ACTN4: variants seen among roughly 807,000 people sequenced by gnomAD.
The protein encoded by ACTN4 is actinin alpha 4, also known as alpha-actinin-4.
Under a neutral mutation model 114.2 loss-of-function variants are expected in ACTN4, and 18 were observed. That is an observed-to-expected ratio of 0.16 (90% CI 0.11 to 0.23). The LOEUF (loss-of-function observed/expected upper bound fraction) is 0.23, where lower values mean the gene tolerates loss of function less well. ACTN4 is among the 10% of genes least tolerant of loss of function. The pLI, the probability that ACTN4 is intolerant of heterozygous loss-of-function variation, is 1.00. For missense variants in ACTN4, 722 were observed against 1,262.9 expected, an observed-to-expected ratio of 0.57 and a Z score of 6.49; for synonymous variants, 515 against 506.3, an observed-to-expected ratio of 1.02 and a Z score of -0.23.
chr19:38,731,182 G>T lies in ACTN4; in HGVS notation c.*1750G>T. The stretch of plus-strand genomic sequence containing the variant: ...ACACGCAGACGGCTATCCCGGTAGC[G>T]GCTGGTGAGGGTCTGGGTCAGCTGG... On this transcript the variant is annotated 3_prime_UTR_variant, in exon 21 of 21. Coordinates refer to ENST00000252699, the MANE Select transcript of ACTN4 (RefSeq NM_004924.6). The T allele has an allele frequency of 1.2e-6, 2 of 1,612,968 alleles. No homozygotes were observed. The highest frequency in any genetic ancestry group is 1.1e-5 in the South Asian group (1 of 91,066).
At chr19:38,654,315 A>G (rs1976650249) in intron 1 of ACTN4, among the ~76,000 whole-genome samples, 2 of 152,132 alleles carry the variant, frequency 1.3e-5, no homozygotes, top group Non-Finnish European at 2.9e-5. Context: ...TAATCCCAGC[A>G]CTTTGGGAGG....
At position 38,697,972 on chromosome 19, in the gene ACTN4, G is replaced by A. The variant is rs1367404910; in HGVS notation, c.163-2628G>A. Among the ~76,000 whole-genome samples the A allele has an allele frequency of 4.6e-5, 7 of 152,232 alleles. 1 individual carries two copies. The South Asian group carries it at 6.2e-4, about 13-fold the overall frequency. ...GCTCTGGGGCTGTAAAGGTGCAGGC[G>A]CCGTACTTCCCAACCCCTGGAGCTC... On this transcript the variant is annotated intron_variant, in intron 1 of 20. Transcript: ENST00000252699.
At chr19:38,680,183 C>T (rs1967511908) in intron 1 of ACTN4, among the ~76,000 whole-genome samples, 1 of 150,062 alleles carries the variant, frequency 6.7e-6, no homozygotes, top group Non-Finnish European at 1.5e-5. Context: ...TCCCCAGCAC[C>T]ACACCTGTCC....
In ACTN4 at chr19:38,726,902, C is replaced by T. The variant is rs76139142; in HGVS notation, c.2191-55C>T. On this transcript the variant is annotated intron_variant, in intron 17 of 20. Coordinates refer to ENST00000252699, the MANE Select transcript of ACTN4 (RefSeq NM_004924.6). ...TTCACAGTCCTCCACGTGTGAACCA[C>T]GGTGAGGACAGTTCACAGCACCCGG... 212 of 1,610,108 alleles carry T rather than the reference C, an allele frequency of 1.3e-4. 1 individual carries two copies. The African/African-American group carries it at 2.5e-3, about 19-fold the overall frequency.
At chr19:38,687,898 G>A (rs1967798055) in intron 1 of ACTN4, among the ~76,000 whole-genome samples, 1 of 152,096 alleles carries the variant, frequency 6.6e-6, no homozygotes, top group Admixed American at 6.6e-5. Flanking sequence ...ATGTATAAAG[G>A]ACTCTTAAAT....
At chr19:38,700,468 C>T (rs150006418) in intron 1 of ACTN4, 132 bp from the exon 2 acceptor site, 204 of 754,058 alleles carry the variant, frequency 2.7e-4, no homozygotes, top group East Asian at 6.5e-4. Flanking sequence ...CGGCCATGTA[C>T]GGTGTGTGTC....
At chr19:38,661,932 G>A (rs1018821991) in intron 1 of ACTN4, among the ~76,000 whole-genome samples, 2 of 152,188 alleles carry the variant, frequency 1.3e-5, no homozygotes, top group Admixed American at 1.3e-4. Context: ...GATTACAGGC[G>A]TGAGCCACCG....
chr19:38,662,287 C>G (rs1333400139), intron 1 of ACTN4, among the ~76,000 whole-genome samples: 1 of 152,210 alleles, frequency 6.6e-6, no homozygotes, highest in Non-Finnish European at 1.5e-5. Flanking sequence ...GATAGACACT[C>G]CTGCCTCTGA....
chr19:38,648,163 G>A, intron 1 of ACTN4: 1 of 404,364 alleles, frequency 2.5e-6, no homozygotes, highest in Non-Finnish European at 4.4e-6. Context: ...CGGGAAGGCT[G>A]ATGAAGGATT....
chr19:38,668,707 GAAAA>G, intron 1 of ACTN4, among the ~76,000 whole-genome samples: 1 of 151,678 alleles, frequency 6.6e-6, no homozygotes, highest in Non-Finnish European at 1.5e-5. Context: ...AAGAAAAAAA[GAAAA>G]GATGGACAAT....
intron 11 of ACTN4, among the ~76,000 whole-genome samples, chr19:38,721,189 C>G (rs570689004): frequency 1.1e-4 from 16 of 152,296 alleles, no homozygotes; most frequent in African/African-American, 3.8e-4. Context: ...CGGATCAAAG[C>G]CCTCCAGAAA....
chr19:38,730,838 C>T lies in ACTN4; in HGVS notation c.*1406C>T, dbSNP rs1332578984. 32 of 1,550,786 alleles carry T rather than the reference C, an allele frequency of 2.1e-5. No individual in the cohort carries two copies. The highest frequency in any genetic ancestry group is 7.3e-5 in the East Asian group (3 of 41,010). On this transcript the variant is annotated 3_prime_UTR_variant, in exon 21 of 21. Coordinates refer to ENST00000252699, the MANE Select transcript of ACTN4 (RefSeq NM_004924.6). ...AACCCTGCCCTGAGCAGCAGGTGCG[C>T]CCATCCGGAGATCCTAGGAGAAGGT... is the stretch of plus-strand genomic sequence containing the variant.
In ACTN4 at chr19:38,730,500, G is replaced by C; in HGVS notation, c.*1068G>C. ...TGGATAAACCACCCTCTGGGGACAG[G>C]ATAATAAAACATGTAATATTTTTAA... On this transcript the variant is annotated 3_prime_UTR_variant, in exon 21 of 21. Coordinates refer to ENST00000252699, the MANE Select transcript of ACTN4 (RefSeq NM_004924.6). 9.1e-6 allele frequency: 3 copies of C among 329,076 alleles called. No homozygotes were observed. In the East Asian group the frequency reaches 1.8e-4, roughly 19 times the overall value. 20.4% of individuals were successfully genotyped at this position (329,076 alleles called of 1,614,324 possible). A position where few individuals can be genotyped will look rare whatever the true frequency, so the allele number is the denominator to read the frequency against.
Position 38,731,411 on chromosome 19 carries a change from C to T in ACTN4, c.*1979C>T, listed in dbSNP as rs983810159. ...TGGGCCTGTTTCCTCATCCATCAAA[C>T]GGACTAAGACAGCCCCGACCCCATA... is the stretch of plus-strand genomic sequence containing the variant. On this transcript the variant is annotated 3_prime_UTR_variant, in exon 21 of 21. Transcript: ENST00000252699. The T allele has an allele frequency of 4.2e-5, 26 of 616,966 alleles. No homozygotes were observed. Among genetic ancestry groups the T allele is most frequent in the Admixed American group, 3.7e-4 (15 of 40,388 alleles). 38.2% of individuals were successfully genotyped at this position (616,966 alleles called of 1,614,324 possible).
chr19:38,654,553 C>T (rs1224392845), intron 1 of ACTN4, among the ~76,000 whole-genome samples: 1 of 144,476 alleles, frequency 6.9e-6, no homozygotes, highest in East Asian at 2.0e-4. Flanking sequence ...CAGAGTAAGG[C>T]TCCGTCTCAA....
intron 1 of ACTN4, among the ~76,000 whole-genome samples, chr19:38,697,095 G>A (rs915487330): frequency 2.0e-5 from 3 of 151,652 alleles, no homozygotes; most frequent in Non-Finnish European, 4.4e-5. Flanking sequence ...ATCCGCACCT[G>A]TGTGATGCCC....
At chr19:38,685,968 G>T (rs1967729187) in intron 1 of ACTN4, among the ~76,000 whole-genome samples, 1 of 152,172 alleles carries the variant, frequency 6.6e-6, no homozygotes, top group Non-Finnish European at 1.5e-5. Flanking sequence ...CGGATCATTT[G>T]AATACTAGCA....
intron 8 of ACTN4, among the ~76,000 whole-genome samples, chr19:38,713,324 G>A (rs879799973): frequency 6.6e-6 from 1 of 152,182 alleles, no homozygotes; most frequent in Admixed American, 6.5e-5. Flanking sequence ...CTTGCCTTGC[G>A]GCAGCCCCGT....
rs1555826143 is a variant in ACTN4 at position 38,673,508 on chromosome 19, A to ATATATATATTC, written c.162+25601_162+25602insTATATATATTC. ...ATATTCATATATATTTATATATATGAATATATATTTATATATATTCATATA... is the reference window on the plus strand; with the variant it reads ...ATATTCATATATATTTATATATATGATATATATATTCATATATATTTATATATATTCATATA... On this transcript the variant is annotated intron_variant, in intron 1 of 20. Coordinates refer to ENST00000252699, the MANE Select transcript of ACTN4 (RefSeq NM_004924.6). 8.0e-4 allele frequency among the ~76,000 whole-genome samples: 52 copies of ATATATATATTC among 65,108 alleles called. 2 individuals are homozygous for ATATATATATTC. The highest frequency in any genetic ancestry group is 2.4e-3 in the East Asian group (5 of 2,110). The allele number at this position is 65,108 out of a possible 152,430, so 42.7% of individuals were successfully genotyped here.
Sources: gnomAD v4.1 joint callset for allele counts (sites outside exome capture counted in the v4.1 genomes callset) on GRCh38, gnomAD v4.1.1 for gene constraint, MANE v1.5 for transcripts, NCBI Gene and HGNC (gene_info 2026-07-23, HGNC 2026-07-21) for gene names.